Variants in CFAP299 observed in about 807,000 individuals in gnomAD.
The protein encoded by CFAP299 is cilia- and flagella-associated protein 299.
In CFAP299, 21 loss-of-function variants were observed where a neutral mutation model predicts 27.0. The ratio of observed to expected loss-of-function variants is 0.78; its 90% CI spans 0.55 to 1.12. CFAP299 has a LOEUF of 1.12. Among genes scored for constraint, CFAP299 ranks in the 50% most tolerant of loss-of-function variants. CFAP299 has a pLI of 0.00. For synonymous variants in CFAP299, 104 were observed against 98.1 expected, an observed-to-expected ratio of 1.06 and a Z score of -0.36; for missense variants, 310 against 276.6, an observed-to-expected ratio of 1.12 and a Z score of -0.86.
intron 1 of CFAP299, among the ~76,000 whole-genome samples, chr4:80,352,807 C>G (rs548398810): frequency 6.6e-6 from 1 of 151,580 alleles, no homozygotes; most frequent in East Asian, 1.9e-4. Context: ...CAACATAGTT[C>G]TAAATAACGC....
chr4:80,773,397 T>C (rs1276467676), intron 3 of CFAP299, among the ~76,000 whole-genome samples: 1 of 152,112 alleles, frequency 6.6e-6, no homozygotes, highest in South Asian at 2.1e-4. Flanking sequence ...AGCAGACTAG[T>C]CCTATTAGCC....
chr4:80,654,916 A>G (rs1740482811), intron 3 of CFAP299, among the ~76,000 whole-genome samples: 1 of 150,752 alleles, frequency 6.6e-6, no homozygotes, highest in Non-Finnish European at 1.5e-5. Flanking sequence ...ATACCTAGCT[A>G]TTCTAACTTA....
At chr4:80,706,909 G>A (rs1721852000) in intron 3 of CFAP299, among the ~76,000 whole-genome samples, 1 of 151,822 alleles carries the variant, frequency 6.6e-6, no homozygotes, top group African/African-American at 2.4e-5. Flanking sequence ...TTGGAAGTAG[G>A]CGTGAATATA....
At chr4:80,516,140 C>A (rs1263164289) in intron 2 of CFAP299, among the ~76,000 whole-genome samples, 1 of 151,576 alleles carries the variant, frequency 6.6e-6, no homozygotes, top group East Asian at 1.9e-4. Context: ...CTTGCCTCAG[C>A]CTCCCAAGTA....
chr4:80,383,843 A>G (rs1378682027), intron 2 of CFAP299, among the ~76,000 whole-genome samples: 1 of 147,460 alleles, frequency 6.8e-6, no homozygotes, highest in African/African-American at 2.4e-5. Flanking sequence ...GGTTTTATCT[A>G]TCTGTTTTTT....
intron 2 of CFAP299, among the ~76,000 whole-genome samples, chr4:80,414,272 G>T (rs1326317019): frequency 2.6e-5 from 4 of 151,090 alleles, no homozygotes; most frequent in African/African-American, 9.7e-5. Context: ...GGGTTTCACC[G>T]TTTTAGCCAG....
chr4:80,638,264 A>G (rs998361097), intron 3 of CFAP299, among the ~76,000 whole-genome samples: 4 of 152,158 alleles, frequency 2.6e-5, no homozygotes, highest in African/African-American at 9.7e-5. Context: ...CAGTTTTAGT[A>G]ATGGGGTGTG....
intron 2 of CFAP299, among the ~76,000 whole-genome samples, chr4:80,437,638 A>T (rs984416459): frequency 1.3e-5 from 2 of 152,206 alleles, no homozygotes; most frequent in Non-Finnish European, 2.9e-5. Flanking sequence ...TCCATCTACC[A>T]GAGTTATAAG....
At chr4:80,689,224 C>G (rs912877519) in intron 3 of CFAP299, among the ~76,000 whole-genome samples, 4 of 152,040 alleles carry the variant, frequency 2.6e-5, no homozygotes, top group South Asian at 2.1e-4. Flanking sequence ...AAGAGCAACT[C>G]CAAGACACAT....
chr4:80,727,486 T>C (rs1419405112), intron 3 of CFAP299, among the ~76,000 whole-genome samples: 1 of 152,040 alleles, frequency 6.6e-6, no homozygotes, highest in Non-Finnish European at 1.5e-5. Context: ...GTAAAGGTGG[T>C]CAAGAGAAAT....
chr4:80,838,276 A>G (rs971657238), intron 3 of CFAP299, among the ~76,000 whole-genome samples: 2 of 152,030 alleles, frequency 1.3e-5, no homozygotes, highest in Non-Finnish European at 2.9e-5. Flanking sequence ...ATTAGATCCC[A>G]TTTGTCAATT....
intron 2 of CFAP299, among the ~76,000 whole-genome samples, chr4:80,535,779 T>G (rs1206461528): frequency 2.6e-5 from 4 of 152,186 alleles, no homozygotes; most frequent in African/African-American, 9.6e-5. Context: ...AAATAGCTTT[T>G]GGGTTTGTTA....
chr4:80,634,580 T>G (rs951004300), intron 3 of CFAP299, among the ~76,000 whole-genome samples: 7 of 152,202 alleles, frequency 4.6e-5, no homozygotes, highest in African/African-American at 1.7e-4. Flanking sequence ...AATTTCCGCT[T>G]AGCTGTTTAA....
intron 3 of CFAP299, among the ~76,000 whole-genome samples, chr4:80,751,285 C>G (rs1252443454): frequency 6.6e-6 from 1 of 152,120 alleles, no homozygotes; most frequent in East Asian, 1.9e-4. Context: ...ATTGGGAGGT[C>G]TCAGTCAGGA....
At chr4:80,355,167 C>T (rs894004857) in intron 1 of CFAP299, among the ~76,000 whole-genome samples, 2 of 152,006 alleles carry the variant, frequency 1.3e-5, no homozygotes, top group South Asian at 2.1e-4. Context: ...CTTTTTTCTC[C>T]GCAAGTTTGC....
chr4:80,940,579 T>C (rs1737143149), intron 4 of CFAP299, among the ~76,000 whole-genome samples: 1 of 152,184 alleles, frequency 6.6e-6, no homozygotes, highest in Non-Finnish European at 1.5e-5. Context: ...TCCTAGATCA[T>C]TGTTAAAATC....
intron 4 of CFAP299, among the ~76,000 whole-genome samples, chr4:80,937,063 T>C (rs1417717680): frequency 1.3e-5 from 2 of 151,572 alleles, no homozygotes; most frequent in African/African-American, 4.9e-5. Context: ...TTTTCTACTG[T>C]TATTATATTG....
At chr4:80,925,970 A>C (rs781759628) in intron 4 of CFAP299, among the ~76,000 whole-genome samples, 19 of 152,184 alleles carry the variant, frequency 1.2e-4, no homozygotes, top group Non-Finnish European at 2.5e-4. Context: ...TAGTTTCTAC[A>C]GTAGATTATC....
intron 3 of CFAP299, among the ~76,000 whole-genome samples, chr4:80,802,313 A>G (rs1169082779): frequency 6.6e-6 from 1 of 152,068 alleles, no homozygotes; most frequent in East Asian, 1.9e-4. Context: ...GGCTTTACTC[A>G]AAATATATTG....
Sources: allele counts gnomAD v4.1 joint callset (sites outside exome capture counted in the v4.1 genomes callset), GRCh38; gene constraint gnomAD v4.1.1; transcripts MANE v1.5; gene names NCBI Gene and HGNC (gene_info 2026-07-23, HGNC 2026-07-21).